The following ATRNL1 variants were observed in gnomAD, a reference collection of about 807,000 sequenced individuals.
ATRNL1 encodes attractin-like protein 1.
Under a neutral mutation model 182.7 loss-of-function variants are expected in ATRNL1, and 95 were observed. That is an observed-to-expected ratio of 0.52 (90% CI 0.44 to 0.62). ATRNL1 has a LOEUF of 0.62. ATRNL1 is among the 20% of genes least tolerant of loss of function. ATRNL1 has a pLI of 0.00. For synonymous variants in ATRNL1, 576 were observed against 568.3 expected, an observed-to-expected ratio of 1.01 and a Z score of -0.19; for missense variants, 1,471 against 1,679.5, an observed-to-expected ratio of 0.88 and a Z score of 2.17.
chr10:115,233,104 G>A (rs1688917976), intron 9 of ATRNL1, among the ~76,000 whole-genome samples: 1 of 151,852 alleles, frequency 6.6e-6, no homozygotes, highest in Admixed American at 6.6e-5. Context: ...GACTTCATAT[G>A]GACTTCTCCT....
chr10:115,752,169 G>A (rs1314294654), intron 27 of ATRNL1, among the ~76,000 whole-genome samples: 8 of 152,026 alleles, frequency 5.3e-5, no homozygotes, highest in African/African-American at 1.9e-4. Flanking sequence ...AGAGGATGGA[G>A]TTCATTAAAA....
At chr10:115,809,911 A>G (rs1429078058) in intron 27 of ATRNL1, among the ~76,000 whole-genome samples, 2 of 151,974 alleles carry the variant, frequency 1.3e-5, no homozygotes, top group African/African-American at 4.8e-5. Flanking sequence ...ACCATTAAGT[A>G]TGATGTTAAC....
chr10:115,878,915 GAAAAGATGA>G (rs1189607683), intron 28 of ATRNL1, among the ~76,000 whole-genome samples: 1 of 152,004 alleles, frequency 6.6e-6, no homozygotes, highest in Non-Finnish European at 1.5e-5. Context: ...GTAGGGATCA[GAAAAGATGA>G]AAAAGATGAA....
intron 27 of ATRNL1, among the ~76,000 whole-genome samples, chr10:115,824,918 C>T (rs1454648604): frequency 2.6e-5 from 4 of 152,134 alleles, no homozygotes; most frequent in Non-Finnish European, 4.4e-5. Flanking sequence ...TTAAATCATT[C>T]TACTATAAAG....
At chr10:115,479,746 G>T (rs1018501567) in intron 24 of ATRNL1, among the ~76,000 whole-genome samples, 40 of 151,372 alleles carry the variant, frequency 2.6e-4, no homozygotes, top group African/African-American at 9.4e-4. Flanking sequence ...GGTAGCACTT[G>T]TTCTTCATGA....
At chr10:115,907,924 G>A (rs1328711641) in intron 28 of ATRNL1, among the ~76,000 whole-genome samples, 1 of 152,082 alleles carries the variant, frequency 6.6e-6, no homozygotes, top group East Asian at 1.9e-4. Flanking sequence ...ACTGAATAAG[G>A]CAAAGAAGAA....
chr10:115,349,549 T>C (rs1361991342), intron 19 of ATRNL1, among the ~76,000 whole-genome samples: 1 of 152,302 alleles, frequency 6.6e-6, no homozygotes, highest in East Asian at 1.9e-4. Context: ...TCCATACTGT[T>C]TTCCATAGTG....
chr10:115,709,472 A>G (rs1393333787), intron 26 of ATRNL1, among the ~76,000 whole-genome samples: 4 of 151,990 alleles, frequency 2.6e-5, no homozygotes, highest in African/African-American at 9.7e-5. Flanking sequence ...AACTTATTCC[A>G]ATATATCTGA....
At position 115,514,977 on chromosome 10, in the gene ATRNL1, C is replaced by A. The variant is rs73373309; in HGVS notation, c.3655-4286C>A. 3.2e-3 allele frequency among the ~76,000 whole-genome samples: 485 copies of A among 151,918 alleles called. 1 individual carries two copies. The highest frequency in any genetic ancestry group is 0.011 in the African/African-American group (450 of 41,508). On this transcript the variant is annotated intron_variant, in intron 24 of 28. Coordinates refer to ENST00000355044, the MANE Select transcript of ATRNL1 (RefSeq NM_207303.4). ...TTAGCAGTTTCTCCTCATTATGAGACCAGTCCTGGAATAGAGATTTGACTG... is the reference window on the plus strand; with the variant it reads ...TTAGCAGTTTCTCCTCATTATGAGAACAGTCCTGGAATAGAGATTTGACTG...
intron 5 of ATRNL1, among the ~76,000 whole-genome samples, chr10:115,131,465 A>G (rs1225725583): frequency 2.0e-5 from 3 of 152,160 alleles, no homozygotes; most frequent in Non-Finnish European, 4.4e-5. Flanking sequence ...TTGTGCCTCA[A>G]ACTGATCCTG....
chr10:115,923,576 A>G (rs1488230203), intron 28 of ATRNL1, among the ~76,000 whole-genome samples: 4 of 152,148 alleles, frequency 2.6e-5, no homozygotes, highest in Non-Finnish European at 5.9e-5. Flanking sequence ...TGTCCCTGCA[A>G]AGGACATGAT....
chr10:115,557,460 C>G (rs1165125158), intron 26 of ATRNL1, among the ~76,000 whole-genome samples: 1 of 152,010 alleles, frequency 6.6e-6, no homozygotes, highest in Non-Finnish European at 1.5e-5. Flanking sequence ...GGAGAAAAAC[C>G]CTGAGCTTCT....
intron 28 of ATRNL1, among the ~76,000 whole-genome samples, chr10:115,858,239 C>T (rs976178307): frequency 2.0e-5 from 3 of 152,110 alleles, no homozygotes; most frequent in African/African-American, 4.8e-5. Flanking sequence ...GATACATGCA[C>T]GCATATGTTC....
At chr10:115,267,174 T>C (rs1554911113) in intron 12 of ATRNL1, among the ~76,000 whole-genome samples, 169 bp downstream of exon 12, 1 of 151,238 alleles carries the variant, frequency 6.6e-6, no homozygotes, top group Non-Finnish European at 1.5e-5. Flanking sequence ...ATTTAATACA[T>C]TTATTAGCTA....
intron 27 of ATRNL1, among the ~76,000 whole-genome samples, chr10:115,790,011 G>A (rs911933691): frequency 6.6e-6 from 1 of 152,154 alleles, no homozygotes; most frequent in Non-Finnish European, 1.5e-5. Flanking sequence ...TTCTTAAAAT[G>A]TAGTATAAAA....
chr10:115,889,227 CTT>C (rs2134458446), intron 28 of ATRNL1, among the ~76,000 whole-genome samples: 1 of 152,320 alleles, frequency 6.6e-6, no homozygotes, highest in South Asian at 2.1e-4. Context: ...GCATCTCTCT[CTT>C]AGTCCATTAC....
chr10:115,282,020 A>G (rs1852384286), intron 14 of ATRNL1, among the ~76,000 whole-genome samples: 1 of 146,428 alleles, frequency 6.8e-6, no homozygotes, highest in Admixed American at 6.9e-5. Flanking sequence ...TATATATAAT[A>G]TATTAACAAT....
intron 9 of ATRNL1, among the ~76,000 whole-genome samples, chr10:115,236,325 T>G (rs1850177787): frequency 1.3e-5 from 2 of 152,208 alleles, no homozygotes; most frequent in Admixed American, 6.5e-5. Context: ...CTATCTGTGC[T>G]TAAATGCTGT....
chr10:115,815,684 A>G (rs1950148565), intron 27 of ATRNL1, among the ~76,000 whole-genome samples: 1 of 152,048 alleles, frequency 6.6e-6, no homozygotes, highest in African/African-American at 2.4e-5. Context: ...GTCTTTTATC[A>G]GGAATGATGT....
Sources: gnomAD v4.1 joint callset for allele counts (sites outside exome capture counted in the v4.1 genomes callset) on GRCh38, gnomAD v4.1.1 for gene constraint, MANE v1.5 for transcripts, NCBI Gene and HGNC (gene_info 2026-07-23, HGNC 2026-07-21) for gene names.